FOXC1: variants seen among roughly 807,000 people sequenced by gnomAD.
The protein encoded by FOXC1 is forkhead box protein C1.
Under a neutral mutation model 8.1 loss-of-function variants are expected in FOXC1, and 5 were observed. That is an observed-to-expected ratio of 0.62 (90% CI 0.32 to 1.30). The LOEUF (loss-of-function observed/expected upper bound fraction) is 1.30, where lower values mean the gene tolerates loss of function less well. FOXC1 is among the 50% of genes most tolerant of loss of function. The probability of loss-of-function intolerance (pLI) is 0.05; values close to 1 mark genes in which losing one functional copy is unlikely to be tolerated. For missense variants in FOXC1, 942 were observed against 858.0 expected (o/e 1.10, Z -1.22); for synonymous variants, 552 against 417.2 (o/e 1.32, Z -3.94).
rs1231007703 is a variant in FOXC1 at position 1,611,446 on chromosome 6, C to T, written c.1001C>T (p.Ala334Val). 1.4e-6 allele frequency: 2 copies of T among 1,392,844 alleles called. No individual in the cohort carries two copies. Among genetic ancestry groups the T allele is most frequent in the Non-Finnish European group, 1.9e-6 (2 of 1,073,098 alleles). The allele number at this position is 1,392,844 out of a possible 1,614,324, so 86.3% of individuals were successfully genotyped here. A position where few individuals can be genotyped will look rare whatever the true frequency, so the allele number is the denominator to read the frequency against. ...AAAELSSGLL[A>V]SAAASSRAGI... ...GCGGAGCTCAGCTCCGGCCTTCTGG[C>T]CTCGGCGGCCGCGTCCTCGCGCGCG... is the stretch of plus-strand genomic sequence containing the variant. Residue 334 changes from alanine (A) to valine (V), a missense_variant, in exon 1 of 1, where the codon GCC (alanine) becomes GTC (valine). This residue lies in a region of FOXC1 where 726 missense variants were observed against 599.6 expected (regional missense o/e 1.21). Coordinates refer to ENST00000645831, the MANE Select transcript of FOXC1 (RefSeq NM_001453.3). This position sits in a 1 kb window ranked among gnomAD's most constrained non-coding sequence, Gnocchi z 7.1.
In FOXC1 at chr6:1,612,274, AC is replaced by A; in HGVS notation, c.*169del. ...CCCTCCAAAAATTCAGCTCACCAGC[AC>A]CAGCACGAAGAAAACTCTATTTTCT... On this transcript the variant is annotated 3_prime_UTR_variant, in exon 1 of 1. Coordinates refer to ENST00000645831, the MANE Select transcript of FOXC1 (RefSeq NM_001453.3). The A allele has an allele frequency of 9.8e-7, 1 of 1,019,818 alleles. No homozygotes were observed. 63.2% of individuals were successfully genotyped at this position (1,019,818 alleles called of 1,614,324 possible). A position where few individuals can be genotyped will look rare whatever the true frequency, so the allele number is the denominator to read the frequency against.
At position 1,610,475 on chromosome 6, in the gene FOXC1, C is replaced by T. The variant is rs976788553; in HGVS notation, c.30C>T (p.Pro10=). The T allele has an allele frequency of 6.1e-6, 9 of 1,475,410 alleles. No homozygotes were observed. In the African/African-American group the frequency reaches 1.3e-4, roughly 21 times the overall value. The allele number at this position is 1,475,410 out of a possible 1,614,324, so 91.4% of individuals were successfully genotyped here. The change falls in exon 1 of 1, where the codon CCC becomes CCT. Residue 10 remains proline, a synonymous_variant. Transcript: ENST00000645831. MQARYSVSS[P]NSLGVVPYLG... ...AGGCGCGCTACTCCGTGTCCAGCCC[C>T]AACTCCCTGGGAGTGGTGCCCTACC...
chr6:1,611,103 C>T lies in FOXC1; in HGVS notation c.658C>T (p.Pro220Ser). 2.9e-6 allele frequency: 4 copies of T among 1,378,076 alleles called. No individual in the cohort carries two copies. Among genetic ancestry groups the T allele is most frequent in the Non-Finnish European group, 3.8e-6 (4 of 1,054,038 alleles). 85.4% of individuals were successfully genotyped at this position (1,378,076 alleles called of 1,614,324 possible). A position where few individuals can be genotyped will look rare whatever the true frequency, so the allele number is the denominator to read the frequency against. Residue 220 changes from proline (P) to serine (S), a missense_variant, in exon 1 of 1, where the codon CCC becomes TCC. Transcript: ENST00000645831. This position sits in a 1 kb window ranked among gnomAD's most constrained non-coding sequence, Gnocchi z 7.1. ...DGNAPGPQPP[P>S]VRIQDIKTEN... ...CAACGCGCCCGGTCCGCAGCCGCCG[C>T]CCGTGCGCATCCAGGACATCAAGAC... is the stretch of plus-strand genomic sequence containing the variant.
In FOXC1 at chr6:1,612,605, C is replaced by A. The variant is rs1042253141; in HGVS notation, c.*498C>A. Reference sequence around the variant, plus strand: ...TGGACTTGTTTTAAAATGTAAATTGCAACATAGTAATTTATTTTTAATTTG... The same window carrying A: ...TGGACTTGTTTTAAAATGTAAATTGAAACATAGTAATTTATTTTTAATTTG... On this transcript the variant is annotated 3_prime_UTR_variant, in exon 1 of 1. Coordinates refer to ENST00000645831, the MANE Select transcript of FOXC1 (RefSeq NM_001453.3). The A allele has an allele frequency of 2.5e-5, 6 of 241,264 alleles. No homozygotes were observed. Among genetic ancestry groups the A allele is most frequent in the Non-Finnish European group, 5.3e-5 (6 of 113,990 alleles). 14.9% of individuals were successfully genotyped at this position (241,264 alleles called of 1,614,324 possible).
rs1371134598 is a variant in FOXC1 at position 1,609,940 on chromosome 6, A to G, written c.-506A>G. The stretch of plus-strand genomic sequence containing the variant: ...GCTCAAAAGTTCAGAAGTTTTCCCA[A>G]TGCTTCCTTAAGCGGCTGGCGCGCG... On this transcript the variant is annotated 5_prime_UTR_variant, in exon 1 of 1. It removes an upstream start codon present in the reference 5' UTR. Transcript: ENST00000645831. 1.3e-5 allele frequency: 2 copies of G among 150,640 alleles called. No individual in the cohort carries two copies. Among genetic ancestry groups the G allele is most frequent in the Admixed American group, 6.6e-5 (1 of 15,176 alleles). 9.3% of individuals were successfully genotyped at this position (150,640 alleles called of 1,614,324 possible). A position where few individuals can be genotyped will look rare whatever the true frequency, so the allele number is the denominator to read the frequency against.
rs767916595 is a variant in FOXC1 at position 1,613,516 on chromosome 6, A to G, written c.*1409A>G. On this transcript the variant is annotated 3_prime_UTR_variant, in exon 1 of 1. Transcript: ENST00000645831. ...TTGAAAAAGATTTAAAGCAATAACA[A>G]GAAGGAAGGCGAGAGGAGCAGAACA... 1 of 230,938 alleles carries G rather than the reference A, an allele frequency of 4.3e-6. No homozygotes were observed. Among genetic ancestry groups the G allele is most frequent in the Admixed American group, 5.8e-5 (1 of 17,132 alleles). The allele number at this position is 230,938 out of a possible 1,614,324, so 14.3% of individuals were successfully genotyped here.
chr6:1,611,857 C>G lies in FOXC1; in HGVS notation c.1412C>G (p.Thr471Ser), dbSNP rs758013827. 129 of 1,541,878 alleles carry G rather than the reference C, an allele frequency of 8.4e-5. No homozygotes were observed. Among genetic ancestry groups the G allele is most frequent in the Non-Finnish European group, 9.2e-5 (105 of 1,143,036 alleles). Residue 471 changes from threonine (T) to serine (S), a missense_variant, in exon 1 of 1, where the codon ACC becomes AGC. Physicochemically the swap from Thr to Ser is moderately conservative, Grantham distance 58. This residue lies in a region of FOXC1 where 726 missense variants were observed against 599.6 expected (regional missense o/e 1.21). Coordinates refer to ENST00000645831, the MANE Select transcript of FOXC1 (RefSeq NM_001453.3). The surrounding 1 kb of genome is among the most constrained non-coding windows in gnomAD (Gnocchi z 7.1). ...CCTGCGGCCCACCAAGGCCGCCTCA[C>G]CTCGTGGTACCTGAACCAGGCGGGC... ...HHPAAHQGRL[T>S]SWYLNQAGGD...
In FOXC1 at chr6:1,610,725, G is replaced by T. The variant is rs1762521093; in HGVS notation, c.280G>T (p.Ala94Ser). The T allele has an allele frequency of 6.2e-7, 1 of 1,613,928 alleles. No individual in the cohort carries two copies. Among genetic ancestry groups the T allele is most frequent in the Non-Finnish European group, 8.5e-7 (1 of 1,179,990 alleles). ...GCTCATCACCATGGCCATCCAGAAC[G>T]CCCCGGACAAGAAGATCACCCTGAA... ...IALITMAIQNAPDKKITLNGI... is the reference protein window; with the variant it reads ...IALITMAIQNSPDKKITLNGI... Residue 94 changes from alanine to serine, a missense_variant, in exon 1 of 1, where the codon GCC (alanine) becomes TCC (serine). Coordinates refer to ENST00000645831, the MANE Select transcript of FOXC1 (RefSeq NM_001453.3).
In FOXC1 at chr6:1,613,112, G is replaced by A; in HGVS notation, c.*1005G>A. The A allele has an allele frequency of 4.2e-6, 1 of 240,710 alleles. No homozygotes were observed. Among genetic ancestry groups the A allele is most frequent in the Non-Finnish European group, 8.8e-6 (1 of 113,632 alleles). The allele number at this position is 240,710 out of a possible 1,614,324, so 14.9% of individuals were successfully genotyped here. On this transcript the variant is annotated 3_prime_UTR_variant, in exon 1 of 1. Transcript: ENST00000645831. ...TAAACAAATACGTTTTCTCACTAAT[G>A]ACAGTCCATGATTCGGAAATTTTAA... is the stretch of plus-strand genomic sequence containing the variant.
At position 1,611,909 on chromosome 6, in the gene FOXC1, G is replaced by A. The variant is rs373281258; in HGVS notation, c.1464G>A (p.Ala488=). ...GAGACCTGGGCCACTTGGCGAGCGC[G>A]GCGGCGGCGGCGGCGGCCGCAGGCT... The part of the protein sequence containing the change: ...AGGDLGHLAS[A]AAAAAAAGYP... Residue 488 remains alanine (A), a synonymous_variant, in exon 1 of 1, where the codon GCG becomes GCA. Transcript: ENST00000645831. The surrounding 1 kb of genome is among the most constrained non-coding windows in gnomAD (Gnocchi z 7.1). 3 of 1,483,202 alleles carry A rather than the reference G, an allele frequency of 2.0e-6. No homozygotes were observed. The highest frequency in any genetic ancestry group is 2.6e-5 in the East Asian group (1 of 38,312). The allele number at this position is 1,483,202 out of a possible 1,614,324, so 91.9% of individuals were successfully genotyped here.
In FOXC1 at chr6:1,610,853, C is replaced by T; in HGVS notation, c.408C>T (p.Phe136=). ...ACAACCTCTCGCTCAACGAGTGCTT[C>T]GTCAAGGTGCCGCGCGACGACAAGA... ...IRHNLSLNEC[F]VKVPRDDKKP... Residue 136 remains phenylalanine, a synonymous_variant, in exon 1 of 1, where the codon TTC becomes TTT. Coordinates refer to ENST00000645831, the MANE Select transcript of FOXC1 (RefSeq NM_001453.3). 6.2e-7 allele frequency: 1 copy of T among 1,614,096 alleles called. No homozygotes were observed. The highest frequency in any genetic ancestry group is 8.5e-7 in the Non-Finnish European group (1 of 1,180,010).
rs1246232100 is a variant in FOXC1, at chr6:1,610,410, G to A, written c.-36G>A. 6 of 1,172,520 alleles carry A rather than the reference G, an allele frequency of 5.1e-6. No individual in the cohort carries two copies. The East Asian group carries it at 2.2e-4, about 43-fold the overall frequency. The allele number at this position is 1,172,520 out of a possible 1,614,324, so 72.6% of individuals were successfully genotyped here. A position where few individuals can be genotyped will look rare whatever the true frequency, so the allele number is the denominator to read the frequency against. On this transcript the variant is annotated 5_prime_UTR_variant, in exon 1 of 1. Coordinates refer to ENST00000645831, the MANE Select transcript of FOXC1 (RefSeq NM_001453.3). Reference sequence around the variant, plus strand: ...GGCCCGGCCCGAGCGAGGGTGGGGGGCGGCGGGCGGCGCGGGGCGGCGGCG... The same window carrying A: ...GGCCCGGCCCGAGCGAGGGTGGGGGACGGCGGGCGGCGCGGGGCGGCGGCG...
At position 1,610,992 on chromosome 6, in the gene FOXC1, AAGG is replaced by A. The variant is rs774823663; in HGVS notation, c.553_555del (p.Glu185del). On this transcript the variant is annotated inframe_deletion, in exon 1 of 1. Coordinates refer to ENST00000645831, the MANE Select transcript of FOXC1 (RefSeq NM_001453.3). ...CAAGAAGAAGGACGCGGTGAAGGAC[AAGG>A]AGGAGAAGGACAGGCTGCACCTCAA... 60 of 1,611,488 alleles carry A rather than the reference AAGG, an allele frequency of 3.7e-5. No homozygotes were observed. Among genetic ancestry groups the A allele is most frequent in the East Asian group, 2.7e-4 (12 of 44,756 alleles).
Position 1,610,357 on chromosome 6 carries a change from G to A in FOXC1, c.-89G>A. 1.4e-6 allele frequency: 1 copy of A among 731,214 alleles called. No homozygotes were observed. Among genetic ancestry groups the A allele is most frequent in the Non-Finnish European group, 1.7e-6 (1 of 599,336 alleles). The allele number at this position is 731,214 out of a possible 1,614,324, so 45.3% of individuals were successfully genotyped here. On this transcript the variant is annotated 5_prime_UTR_variant, in exon 1 of 1. Transcript: ENST00000645831. ...GCCGGCACCAGCTCGGCCGGGCCCG[G>A]ACTCGGACTCGGCGGCCGGCGCGGC...
chr6:1,611,481 C>G lies in FOXC1; in HGVS notation c.1036C>G (p.Pro346Ala). 2.9e-6 allele frequency: 4 copies of G among 1,382,046 alleles called. No homozygotes were observed. The highest frequency in any genetic ancestry group is 3.8e-6 in the Non-Finnish European group (4 of 1,063,716). 85.6% of individuals were successfully genotyped at this position (1,382,046 alleles called of 1,614,324 possible). A position where few individuals can be genotyped will look rare whatever the true frequency, so the allele number is the denominator to read the frequency against. ...AAASSRAGIA[P>A]PLALGAYSPG... ...CGCGTCCTCGCGCGCGGGGATCGCA[C>G]CCCCGCTGGCGCTCGGCGCCTACTC... Residue 346 changes from proline (P) to alanine (A), a missense_variant, in exon 1 of 1, where the codon CCC becomes GCC. Physicochemically the swap from Pro to Ala is conservative, Grantham distance 27. Coordinates refer to ENST00000645831, the MANE Select transcript of FOXC1 (RefSeq NM_001453.3). This position sits in a 1 kb window ranked among gnomAD's most constrained non-coding sequence, Gnocchi z 7.1.
At position 1,610,963 on chromosome 6, in the gene FOXC1, G is replaced by T. The variant is rs1762526692; in HGVS notation, c.518G>T (p.Arg173Leu). ...ENGSFLRRRRRFKKKDAVKDK... is the reference protein window; with the variant it reads ...ENGSFLRRRRLFKKKDAVKDK... ...GGCAGCTTCCTGCGGCGGCGGCGGCGCTTCAAGAAGAAGGACGCGGTGAAG... is the reference window on the plus strand; with the variant it reads ...GGCAGCTTCCTGCGGCGGCGGCGGCTCTTCAAGAAGAAGGACGCGGTGAAG... Residue 173 changes from arginine (R) to leucine (L), a missense_variant, in exon 1 of 1, where the codon CGC becomes CTC. Physicochemically the swap from Arg to Leu is moderately radical, Grantham distance 102. Coordinates refer to ENST00000645831, the MANE Select transcript of FOXC1 (RefSeq NM_001453.3). 1 of 1,613,510 alleles carries T rather than the reference G, an allele frequency of 6.2e-7. No individual in the cohort carries two copies. Among genetic ancestry groups the T allele is most frequent in the Non-Finnish European group, 8.5e-7 (1 of 1,179,932 alleles).
rs543142683 is a variant in FOXC1 at position 1,612,325 on chromosome 6, C to T, written c.*218C>T. 7.8e-4 allele frequency: 547 copies of T among 700,412 alleles called. 1 individual carries two copies. In the African/African-American group the frequency reaches 7.9e-3, roughly 10 times the overall value. The allele number at this position is 700,412 out of a possible 1,614,324, so 43.4% of individuals were successfully genotyped here. On this transcript the variant is annotated 3_prime_UTR_variant, in exon 1 of 1. Coordinates refer to ENST00000645831, the MANE Select transcript of FOXC1 (RefSeq NM_001453.3). ...TTAACCGATTAATTCAGAGCCACCT[C>T]CACTTTGCCTTGTCTAAATAAACAA...
rs774351048 is a variant in FOXC1 at position 1,611,657 on chromosome 6, G to A, written c.1212G>A (p.Ala404=). Residue 404 remains alanine, a synonymous_variant, in exon 1 of 1, where the codon GCG becomes GCA. Coordinates refer to ENST00000645831, the MANE Select transcript of FOXC1 (RefSeq NM_001453.3). The surrounding 1 kb of genome is among the most constrained non-coding windows in gnomAD (Gnocchi z 7.1). The part of the protein sequence containing the change: ...HCNLQAMSLY[A]AGERGGHLQG... ...ACCTGCAAGCCATGAGCCTGTACGC[G>A]GCCGGCGAGCGCGGGGGCCACTTGC... 2 of 1,377,978 alleles carry A rather than the reference G, an allele frequency of 1.5e-6. No individual in the cohort carries two copies. The highest frequency in any genetic ancestry group is 1.6e-5 in the South Asian group (1 of 61,544). The allele number at this position is 1,377,978 out of a possible 1,614,324, so 85.4% of individuals were successfully genotyped here. A position where few individuals can be genotyped will look rare whatever the true frequency, so the allele number is the denominator to read the frequency against.
rs1228121607 is a variant in FOXC1 at position 1,611,713 on chromosome 6, C to T, written c.1268C>T (p.Ala423Val). ...GCGCCCGGGGGCGCGGGCGGCTCGG[C>T]CGTGGACGACCCCCTGCCCGACTAC... is the stretch of plus-strand genomic sequence containing the variant. The part of the protein sequence containing the change: ...QGAPGGAGGS[A>V]VDDPLPDYSL... Residue 423 changes from alanine to valine, a missense_variant, in exon 1 of 1, where the codon GCC becomes GTC. Ala to Val is a moderately conservative substitution (Grantham distance 64). Around this residue, in one of 4 missense-constraint regions of FOXC1, gnomAD observed 726 missense variants for 599.6 expected, o/e 1.21. Transcript: ENST00000645831. This position sits in a 1 kb window ranked among gnomAD's most constrained non-coding sequence, Gnocchi z 7.1. 2 of 1,455,288 alleles carry T rather than the reference C, an allele frequency of 1.4e-6. No individual in the cohort carries two copies. The highest frequency in any genetic ancestry group is 1.3e-5 in the South Asian group (1 of 75,456). The allele number at this position is 1,455,288 out of a possible 1,614,324, so 90.1% of individuals were successfully genotyped here. A position where few individuals can be genotyped will look rare whatever the true frequency, so the allele number is the denominator to read the frequency against.
Sources: gnomAD v4.1 joint callset for allele counts on GRCh38, gnomAD v4.1.1 for gene constraint, gnomAD v4.1.1 regional missense constraint, Gnocchi (gnomAD v3.1) non-coding constraint, MANE v1.5 for transcripts, NCBI Gene and HGNC (gene_info 2026-07-23, HGNC 2026-07-21) for gene names.